The following CAGE1 variants were observed in gnomAD, a reference collection of about 807,000 sequenced individuals.
The protein encoded by CAGE1 is cancer antigen 1.
In CAGE1, 66 loss-of-function variants were observed where a neutral mutation model predicts 94.9. The ratio of observed to expected loss-of-function variants is 0.70; its 90% CI spans 0.57 to 0.85. The LOEUF (loss-of-function observed/expected upper bound fraction) is 0.85, where lower values mean the gene tolerates loss of function less well. Among genes scored for constraint, CAGE1 ranks in the 40% least tolerant of loss-of-function variants. The pLI is 0.00. For missense variants in CAGE1, 865 were observed against 950.4 expected (o/e 0.91, Z 1.18); for synonymous variants, 319 against 321.0 (o/e 0.99, Z 0.07).
chr6:7,366,825 G>A (rs982111634), intron 7 of CAGE1, among the ~76,000 whole-genome samples: 7 of 152,128 alleles, frequency 4.6e-5, no homozygotes, highest in African/African-American at 1.7e-4. Context: ...AAACCTGGGG[G>A]TGGTCTCGGG....
At chr6:7,367,528 G>A (rs1300176087) in intron 7 of CAGE1, among the ~76,000 whole-genome samples, 1 of 152,032 alleles carries the variant, frequency 6.6e-6, no homozygotes, top group Non-Finnish European at 1.5e-5. Context: ...GCCTCCCTCA[G>A]CCTCCCAAAA....
At chr6:7,372,793 C>T (rs146136219) in intron 5 of CAGE1, among the ~76,000 whole-genome samples, 39 of 152,182 alleles carry the variant, frequency 2.6e-4, no homozygotes, top group African/African-American at 8.2e-4. Context: ...CTCAACCTCC[C>T]GAATAGATAG....
intron 11 of CAGE1, among the ~76,000 whole-genome samples, chr6:7,346,853 A>G (rs1759563095): frequency 9.6e-6 from 1 of 104,152 alleles, no homozygotes; most frequent in African/African-American, 6.3e-5. Flanking sequence ...GCAAGACTCT[A>G]TCTCAAAAAA....
intron 11 of CAGE1, among the ~76,000 whole-genome samples, chr6:7,337,397 AATGAATC>A (rs1362040431): frequency 6.6e-6 from 1 of 151,836 alleles, no homozygotes; most frequent in Non-Finnish European, 1.5e-5. Context: ...AATTTTCTCT[AATGAATC>A]ATGCTTTTAG....
intron 11 of CAGE1, among the ~76,000 whole-genome samples, chr6:7,343,116 G>T (rs1759248510): frequency 6.6e-6 from 1 of 151,242 alleles, no homozygotes; most frequent in South Asian, 2.1e-4. Flanking sequence ...TTGAACCCGG[G>T]AGGTGGAGGT....
intron 11 of CAGE1, among the ~76,000 whole-genome samples, chr6:7,340,519 T>C (rs1759124057): frequency 6.6e-6 from 1 of 152,204 alleles, no homozygotes; most frequent in Non-Finnish European, 1.5e-5. Context: ...CTTCCTTTAT[T>C]TCTGTAGGTG....
intron 11 of CAGE1, among the ~76,000 whole-genome samples, chr6:7,347,812 G>T (rs368163347): frequency 6.6e-6 from 1 of 151,874 alleles, no homozygotes; most frequent in Admixed American, 6.6e-5. Flanking sequence ...CCCACTTCCC[G>T]AACAACCTGC....
At chr6:7,330,786 C>T (rs1001820178) in intron 12 of CAGE1, among the ~76,000 whole-genome samples, 1 of 152,184 alleles carries the variant, frequency 6.6e-6, no homozygotes, top group Non-Finnish European at 1.5e-5. Flanking sequence ...TTTGAGAGCT[C>T]TTCTGCCCAT....
intron 12 of CAGE1, among the ~76,000 whole-genome samples, chr6:7,333,667 T>G (rs1489365092): frequency 9.6e-6 from 1 of 104,398 alleles, no homozygotes; most frequent in Non-Finnish European, 1.8e-5. Context: ...TATATATATA[T>G]ATATATACAT....
intron 4 of CAGE1, among the ~76,000 whole-genome samples, chr6:7,375,945 T>C (rs1407683401): frequency 6.6e-6 from 1 of 152,188 alleles, no homozygotes; most frequent in East Asian, 1.9e-4. Flanking sequence ...GTGCTTTAAA[T>C]GCATCCCCTA....
chr6:7,373,817 C>T lies in CAGE1; in HGVS notation c.1002G>A (p.Glu334=), dbSNP rs1282697463. The T allele has an allele frequency of 1.2e-6, 2 of 1,613,872 alleles. No homozygotes were observed. The highest frequency in any genetic ancestry group is 2.7e-5 in the African/African-American group (2 of 75,046). The change falls in exon 5 of 14, where the codon GAG becomes GAA. Residue 334 remains glutamate, a synonymous_variant. Coordinates refer to ENST00000502583, the MANE Select transcript of CAGE1 (RefSeq NM_001170692.2). ...QELQCSNLYL[E]KRVKELQMKI... The stretch of plus-strand genomic sequence containing the variant: ...TCATCTGTAGTTCTTTAACCCTCTT[C>T]TCTAAATACAGGTTACTACACTGGA...
At chr6:7,341,776 A>C (rs905560229) in intron 11 of CAGE1, 5 of 686,006 alleles carry the variant, frequency 7.3e-6, no homozygotes, top group African/African-American at 5.3e-5. Flanking sequence ...TGCAGAGAAG[A>C]CAGAGCAGCA....
intron 11 of CAGE1, 107 bp from the exon 12 acceptor site, chr6:7,334,197 T>G: frequency 1.6e-6 from 1 of 637,512 alleles, no homozygotes; most frequent in Non-Finnish European, 2.7e-6. Context: ...GTAATCTAAT[T>G]ATCTATATGC....
At position 7,362,706 on chromosome 6, in the gene CAGE1, A is replaced by C. The variant is rs1200795897; in HGVS notation, c.2193+2762T>G. Among the ~76,000 whole-genome samples the C allele has an allele frequency of 2.0e-5, 3 of 152,236 alleles. No homozygotes were observed. The highest frequency in any genetic ancestry group is 7.2e-5 in the African/African-American group (3 of 41,456). ...GAGTTCCTTAGAGAATGAGGTGTGA[A>C]TCTTCTGGAGTACATTCTGCACTAC... On this transcript the variant is annotated intron_variant, in intron 9 of 13. Transcript: ENST00000502583. The surrounding 1 kb of genome is among the most constrained non-coding windows in gnomAD (Gnocchi z 4.1).
chr6:7,378,869 A>C lies in CAGE1; in HGVS notation c.435T>G (p.Ser145Arg). ...TGTCTTTTGCATAATTATACACTTG[A>C]CTTTGAAATTCTGGCTTCTCTGTCA... ...DEMTEKPEFQSQVYNYAKDNN... is the reference protein window; with the variant it reads ...DEMTEKPEFQRQVYNYAKDNN... The change falls in exon 4 of 14, where the codon AGT (serine) becomes AGG (arginine). Residue 145 changes from serine to arginine, a missense_variant. Transcript: ENST00000502583. The C allele has an allele frequency of 1.2e-6, 2 of 1,611,920 alleles. No individual in the cohort carries two copies. Among genetic ancestry groups the C allele is most frequent in the Non-Finnish European group, 1.7e-6 (2 of 1,178,682 alleles).
chr6:7,335,243 A>C (rs1182040996), intron 11 of CAGE1, among the ~76,000 whole-genome samples: 1 of 152,220 alleles, frequency 6.6e-6, no homozygotes, highest in East Asian at 1.9e-4. Context: ...CTCAAGATGT[A>C]ATCACATCTG....
chr6:7,344,269 G>A (rs910001401), intron 11 of CAGE1, among the ~76,000 whole-genome samples: 31 of 152,236 alleles, frequency 2.0e-4, no homozygotes, highest in African/African-American at 7.0e-4. Context: ...CGGGCCAGCT[G>A]GAGTTCCGGG....
At position 7,379,018 on chromosome 6, in the gene CAGE1, TATCTC is replaced by T. The variant is rs1760849666; in HGVS notation, c.284-3_285del. 1 of 1,505,718 alleles carries T rather than the reference TATCTC, an allele frequency of 6.6e-7. No individual in the cohort carries two copies. The highest frequency in any genetic ancestry group is 1.4e-5 in the African/African-American group (1 of 71,158). 93.3% of individuals were successfully genotyped at this position (1,505,718 alleles called of 1,614,324 possible). A position where few individuals can be genotyped will look rare whatever the true frequency, so the allele number is the denominator to read the frequency against. ...TTCGTTGAGTAATTTTCAATGTTGT[TATCTC>T]ATAAGAAAGAGAAAGAAGGAAATAA... On this transcript the variant is annotated splice_acceptor_variant and splice_polypyrimidine_tract_variant and coding_sequence_variant and intron_variant, in exon 4 of 14. Coordinates refer to ENST00000502583, the MANE Select transcript of CAGE1 (RefSeq NM_001170692.2). LOFTEE classifies it high-confidence loss of function.
chr6:7,383,995 TTTC>T (rs1252146171), intron 3 of CAGE1, among the ~76,000 whole-genome samples: 10 of 152,316 alleles, frequency 6.6e-5, no homozygotes, highest in African/African-American at 2.2e-4. Flanking sequence ...TCTTCTAAAC[TTTC>T]TTATTAGTTT....
Sources: gnomAD v4.1 joint callset for allele counts (sites outside exome capture counted in the v4.1 genomes callset) on GRCh38, gnomAD v4.1.1 for gene constraint, Gnocchi (gnomAD v3.1) non-coding constraint, MANE v1.5 for transcripts, NCBI Gene and HGNC (gene_info 2026-07-23, HGNC 2026-07-21) for gene names.